Variants in ENTREP2 observed in about 807,000 individuals in gnomAD.
ENTREP2 encodes the protein endosomal transmembrane epsin interactor 2.
the ENTREP2 span, among the ~76,000 whole-genome samples, chr15:29,152,976 T>C: frequency 3.9e-5 from 6 of 152,246 alleles, no homozygotes; most frequent in East Asian, 1.2e-3. Flanking sequence ...GTTTTAGCTA[T>C]TCTCATAGGT....
chr15:29,174,618 G>C, the ENTREP2 span, among the ~76,000 whole-genome samples: 1 of 151,960 alleles, frequency 6.6e-6, no homozygotes, highest in Admixed American at 6.5e-5. Flanking sequence ...GAACCTGGGA[G>C]GCGGGGTCTT....
At chr15:29,653,052 T>C in the ENTREP2 span, among the ~76,000 whole-genome samples, 1 of 152,248 alleles carries the variant, frequency 6.6e-6, no homozygotes, top group Admixed American at 6.5e-5. Context: ...GATCCATGTA[T>C]CCCCTGTGCA....
the ENTREP2 span, among the ~76,000 whole-genome samples, chr15:29,581,996 C>A: frequency 2.0e-5 from 3 of 149,306 alleles, no homozygotes; most frequent in Admixed American, 2.0e-4. Flanking sequence ...AGCTGGAGTG[C>A]AGTGGCATGG....
the ENTREP2 span, among the ~76,000 whole-genome samples, chr15:29,357,114 C>A: frequency 2.0e-5 from 3 of 152,056 alleles, no homozygotes; most frequent in Non-Finnish European, 4.4e-5. Flanking sequence ...TCTAGTGCCA[C>A]TACAATTGGT....
chr15:29,538,129 C>A, the ENTREP2 span, among the ~76,000 whole-genome samples: 1 of 152,120 alleles, frequency 6.6e-6, no homozygotes, highest in Non-Finnish European at 1.5e-5. Flanking sequence ...GCCAACCTTG[C>A]TACATCCCAC....
At chr15:29,408,330 C>T in the ENTREP2 span, among the ~76,000 whole-genome samples, 1 of 152,090 alleles carries the variant, frequency 6.6e-6, no homozygotes, top group South Asian at 2.1e-4. Flanking sequence ...AACCACATGG[C>T]ATGTTACACA....
the ENTREP2 span, among the ~76,000 whole-genome samples, chr15:29,573,644 CCCCTCTCTCTCT>C: frequency 1.4e-5 from 2 of 147,890 alleles, no homozygotes; most frequent in Non-Finnish European, 3.0e-5. Context: ...TCTCTCTCCC[CCCCTCTCTCTCT>C]CCCTCTCTCT....
chr15:29,324,758 G>C, the ENTREP2 span, among the ~76,000 whole-genome samples: 11 of 152,192 alleles, frequency 7.2e-5, no homozygotes, highest in African/African-American at 2.6e-4. Context: ...AAATACATGA[G>C]GCAAAAACTG....
At chr15:29,657,975 G>A in the ENTREP2 span, among the ~76,000 whole-genome samples, 8 of 151,046 alleles carry the variant, frequency 5.3e-5, no homozygotes, top group Non-Finnish European at 1.2e-4. Context: ...CTATTAATAC[G>A]TGAAAGAAGT....
chr15:29,580,006 G>A, the ENTREP2 span, among the ~76,000 whole-genome samples: 76,152 of 151,560 alleles, frequency 0.5, 21,563 homozygotes, highest in Non-Finnish European at 0.65. Flanking sequence ...CACCGCGCCC[G>A]GCCAATTTTT....
chr15:29,604,679 TA>T, the ENTREP2 span, among the ~76,000 whole-genome samples: 303 of 152,324 alleles, frequency 2.0e-3, 1 homozygote, highest in African/African-American at 6.8e-3. Context: ...TTAACCAAAA[TA>T]TTGTTTTATT....
chr15:29,128,824 CCG>C, the ENTREP2 span: 1 of 1,550,978 alleles, frequency 6.4e-7, no homozygotes, highest in Non-Finnish European at 8.7e-7. Context: ...GTTTGGGTCC[CCG>C]GAGCTGGACT....
the ENTREP2 span, among the ~76,000 whole-genome samples, chr15:29,498,730 G>A: frequency 6.6e-6 from 1 of 152,030 alleles, no homozygotes; most frequent in Non-Finnish European, 1.5e-5. Context: ...TGGATATCCT[G>A]TCTGTAGTTG....
At chr15:29,226,762 C>A in the ENTREP2 span, among the ~76,000 whole-genome samples, 2 of 152,140 alleles carry the variant, frequency 1.3e-5, no homozygotes. Context: ...GTGGCTACCC[C>A]CTCAAGAAGA....
At chr15:29,152,023 G>A in the ENTREP2 span, among the ~76,000 whole-genome samples, 6 of 152,074 alleles carry the variant, frequency 3.9e-5, no homozygotes, top group Non-Finnish European at 8.8e-5. Context: ...AAACACATTC[G>A]TTTATTCCGT....
At chr15:29,628,911 G>A in the ENTREP2 span, among the ~76,000 whole-genome samples, 8 of 152,144 alleles carry the variant, frequency 5.3e-5, no homozygotes, top group Middle Eastern at 3.4e-3. Context: ...CAACACACCC[G>A]GCTAATTTTT....
chr15:29,250,723 T>C, the ENTREP2 span, among the ~76,000 whole-genome samples: 1 of 152,186 alleles, frequency 6.6e-6, no homozygotes, highest in African/African-American at 2.4e-5. Context: ...CAGATTTTGC[T>C]ATACTCATAG....
the ENTREP2 span, among the ~76,000 whole-genome samples, chr15:29,368,337 A>AAAATATATAT: frequency 2.2e-3 from 317 of 146,172 alleles, 1 homozygote; most frequent in African/African-American, 7.8e-3. Context: ...CAAAAAAAAA[A>AAAATATATAT]ATATATATAT....
chr15:29,564,343 A>C, the ENTREP2 span, among the ~76,000 whole-genome samples: 20 of 152,126 alleles, frequency 1.3e-4, no homozygotes, highest in Non-Finnish European at 2.5e-4. Context: ...GTTATCTTTC[A>C]CTGTTAAAGC....
Sources: allele counts gnomAD v4.1 joint callset (sites outside exome capture counted in the v4.1 genomes callset), GRCh38; gene constraint gnomAD v4.1.1; transcripts MANE v1.5; gene names NCBI Gene and HGNC (gene_info 2026-07-23, HGNC 2026-07-21).